The following GLYATL2 variants were observed in gnomAD, a reference collection of about 807,000 sequenced individuals.
GLYATL2 encodes glycine-N-acyltransferase like 2, also known as glycine N-acyltransferase-like protein 2.
A neutral mutation model predicts 21.4 loss-of-function variants in GLYATL2; 25 were observed. The observed-to-expected ratio is 1.17, with a 90% CI of 0.85 to 1.63. The LOEUF is 1.63. Among genes scored for constraint, GLYATL2 ranks in the 40% most tolerant of loss-of-function variants. The probability of loss-of-function intolerance (pLI) is 0.00; values close to 1 mark genes in which losing one functional copy is unlikely to be tolerated. For missense variants in GLYATL2, 361 were observed against 343.3 expected (o/e 1.05, Z -0.41); for synonymous variants, 114 against 118.2 (o/e 0.96, Z 0.23).
In GLYATL2 at chr11:58,854,060, T is replaced by C. The variant is rs540759155; in HGVS notation, n.61-15692A>G. ...TATAAGGTAGATAATGTGATATTTGTCTTTCTGTGCCTGGTTTATTTTACT... is the reference window on the plus strand; with the variant it reads ...TATAAGGTAGATAATGTGATATTTGCCTTTCTGTGCCTGGTTTATTTTACT... On this transcript the variant is annotated intron_variant and non_coding_transcript_variant, in intron 1 of 4. Coordinates refer to the GLYATL2 transcript ENST00000533636. Among the ~76,000 whole-genome samples, 531 of 152,348 alleles carry C rather than the reference T, an allele frequency of 3.5e-3. 4 individuals carry two copies. The highest frequency in any genetic ancestry group is 0.02 in the Middle Eastern group (6 of 294).
intron 1 of GLYATL2, among the ~76,000 whole-genome samples, chr11:58,886,036 G>A (rs967677327): frequency 6.6e-6 from 1 of 152,112 alleles, no homozygotes; most frequent in Non-Finnish European, 1.5e-5. Context: ...GCAACATAGT[G>A]AGACCTCATC....
upstream of GLYATL2, among the ~76,000 whole-genome samples, chr11:58,847,167 C>T (rs1398912562): frequency 6.6e-6 from 1 of 152,010 alleles, no homozygotes; most frequent in Non-Finnish European, 1.5e-5. Context: ...ATACCCTGAG[C>T]CCTGAATAAC....
chr11:58,901,762 A>G (rs113477549), intron 1 of GLYATL2, among the ~76,000 whole-genome samples: 2,994 of 152,232 alleles, frequency 0.02, 86 homozygotes, highest in African/African-American at 0.068. Flanking sequence ...ACCTACCTCA[A>G]TGGGTGACTG....
At chr11:58,907,598 T>C, upstream of GLYATL2, 1 of 335,372 alleles carries the variant, frequency 3.0e-6, no homozygotes, top group Non-Finnish European at 5.9e-6. Context: ...CTATCATCTC[T>C]CTCACTTCTG....
intron 1 of GLYATL2, among the ~76,000 whole-genome samples, chr11:58,857,911 A>T (rs1853859428): frequency 7.0e-6 from 1 of 143,036 alleles, no homozygotes. Context: ...AAAAAAAAAA[A>T]AACAAGCAAA....
chr11:58,840,180 A>G (rs145486882), intron 1 of GLYATL2, among the ~76,000 whole-genome samples: 1 of 152,282 alleles, frequency 6.6e-6, no homozygotes, highest in East Asian at 1.9e-4. Context: ...GGAAGAAAAA[A>G]TTGTTGATTA....
At chr11:58,909,200 T>G (rs891229819), upstream of GLYATL2, among the ~76,000 whole-genome samples, 11 of 152,186 alleles carry the variant, frequency 7.2e-5, no homozygotes, top group Admixed American at 3.3e-4. Context: ...TCTAAAATTG[T>G]CAAACTCATA....
chr11:58,896,106 C>T lies in GLYATL2; in HGVS notation n.60+8050G>A, dbSNP rs571455139. ...TTCTGACCTTGTGATCCACCCTCCGCGGCCTCCGAAAGTGCGAGTATTACA... is the reference window on the plus strand; with the variant it reads ...TTCTGACCTTGTGATCCACCCTCCGTGGCCTCCGAAAGTGCGAGTATTACA... On this transcript the variant is annotated intron_variant and non_coding_transcript_variant, in intron 1 of 4. Transcript: ENST00000533636. Among the ~76,000 whole-genome samples the T allele has an allele frequency of 4.6e-5, 7 of 152,266 alleles. 1 individual carries two copies. In the South Asian group the frequency reaches 6.2e-4, roughly 14 times the overall value.
At chr11:58,881,486 A>G (rs1281137291) in intron 1 of GLYATL2, among the ~76,000 whole-genome samples, 1 of 152,222 alleles carries the variant, frequency 6.6e-6, no homozygotes, top group Non-Finnish European at 1.5e-5. Flanking sequence ...GACAAGTTCC[A>G]AAATGGCCAT....
intron 1 of GLYATL2, among the ~76,000 whole-genome samples, chr11:58,886,017 C>T (rs891573719): frequency 2.6e-5 from 4 of 152,108 alleles, no homozygotes; most frequent in African/African-American, 9.7e-5. Flanking sequence ...GAGTTTGAGA[C>T]CAGCCTGTGC....
chr11:58,875,344 G>C (rs1356283760), intron 1 of GLYATL2, among the ~76,000 whole-genome samples: 1 of 152,174 alleles, frequency 6.6e-6, no homozygotes. Context: ...GACGTTAGCT[G>C]GTTATTTTGC....
intron 1 of GLYATL2, among the ~76,000 whole-genome samples, chr11:58,866,411 T>C (rs1304182404): frequency 6.7e-6 from 1 of 148,832 alleles, no homozygotes; most frequent in African/African-American, 2.4e-5. Flanking sequence ...AAAGCCACCA[T>C]CATTTCAAGG....
intron 1 of GLYATL2, among the ~76,000 whole-genome samples, chr11:58,890,601 C>G (rs1394452806): frequency 6.6e-6 from 1 of 151,918 alleles, no homozygotes; most frequent in Non-Finnish European, 1.5e-5. Context: ...CCAATATTTT[C>G]TATTAGTTTG....
chr11:58,892,501 A>G (rs1369961817), intron 1 of GLYATL2, among the ~76,000 whole-genome samples: 1 of 152,146 alleles, frequency 6.6e-6, no homozygotes, highest in Non-Finnish European at 1.5e-5. Context: ...ACTCTGGGGG[A>G]TGGGAGAGGT....
At chr11:58,851,478 G>T (rs1202222365) in intron 1 of GLYATL2, among the ~76,000 whole-genome samples, 1 of 152,046 alleles carries the variant, frequency 6.6e-6, no homozygotes, top group Non-Finnish European at 1.5e-5. Context: ...TGTTATTGTT[G>T]AATTTGGTTT....
chr11:58,834,711 T>G lies in GLYATL2; in HGVS notation c.603A>C (p.Gly201=), dbSNP rs752002649. The G allele has an allele frequency of 3.0e-4, 487 of 1,613,550 alleles. No individual in the cohort carries two copies. Among genetic ancestry groups the G allele is most frequent in the Non-Finnish European group, 1.6e-4 (186 of 1,180,008 alleles). ...YIERCLQDFL[G]FGVLGPEGQL... ...GGCCCTCTGGACCCAGCACACCAAA[T>G]CCTAGAAAATCCTGGAGGCAGCGTT... The change falls in exon 6 of 6, where the codon GGA becomes GGC. Residue 201 remains glycine (G), a synonymous_variant. Coordinates refer to ENST00000287275, the MANE Select transcript of GLYATL2 (RefSeq NM_145016.4).
Position 58,834,596 on chromosome 11 carries a change from G to T in GLYATL2, c.718C>A (p.Gln240Lys), listed in dbSNP as rs376089911. The T allele has an allele frequency of 1.6e-5, 26 of 1,613,804 alleles. No homozygotes were observed. In the African/African-American group the frequency reaches 2.5e-4, roughly 16 times the overall value. Reference sequence around the variant, plus strand: ...TACTTTTCAAGATGATAACCAATTTGCAACATGTTGCCTTGGTGTCTGTAT... The same window carrying T: ...TACTTTTCAAGATGATAACCAATTTTCAACATGTTGCCTTGGTGTCTGTAT... The part of the protein sequence containing the change: ...PKYRHQGNML[Q>K]IGYHLEKYLS... Residue 240 changes from glutamine (Q) to lysine (K), a missense_variant, in exon 6 of 6, where the codon CAA (glutamine) becomes AAA (lysine). Coordinates refer to ENST00000287275, the MANE Select transcript of GLYATL2 (RefSeq NM_145016.4).
chr11:58,847,919 A>G (rs1853671772), upstream of GLYATL2, among the ~76,000 whole-genome samples: 2 of 151,806 alleles, frequency 1.3e-5, no homozygotes, highest in African/African-American at 2.4e-5. Context: ...GATCTAGCAC[A>G]GTCATAATGG....
At chr11:58,882,051 G>A (rs761548286) in intron 1 of GLYATL2, among the ~76,000 whole-genome samples, 7 of 152,186 alleles carry the variant, frequency 4.6e-5, no homozygotes, top group African/African-American at 1.4e-4. Flanking sequence ...ATGTGTGCAT[G>A]TGTCTTTATA....
Sources: allele counts gnomAD v4.1 joint callset (sites outside exome capture counted in the v4.1 genomes callset), GRCh38; gene constraint gnomAD v4.1.1; transcripts MANE v1.5; gene names NCBI Gene and HGNC (gene_info 2026-07-23, HGNC 2026-07-21).